The following LZTS1 variants were observed in gnomAD, a reference collection of about 807,000 sequenced individuals.
The protein encoded by LZTS1 is leucine zipper tumor suppressor 1.
In LZTS1, 31 loss-of-function variants were observed where a neutral mutation model predicts 45.8. That is an observed-to-expected ratio of 0.68 (90% CI 0.51 to 0.91). The LOEUF (loss-of-function observed/expected upper bound fraction) is 0.91. Among genes scored for constraint, LZTS1 ranks in the 40% least tolerant of loss-of-function variants. The pLI, the probability that LZTS1 is intolerant of heterozygous loss-of-function variation, is 0.00. For synonymous variants in LZTS1, 359 were observed against 357.3 expected (o/e 1.00, Z -0.05); for missense variants, 821 against 788.9 (o/e 1.04, Z -0.49).
At chr8:20,271,431 C>A (rs1240743125) in intron 1 of LZTS1, among the ~76,000 whole-genome samples, 1 of 152,188 alleles carries the variant, frequency 6.6e-6, no homozygotes, top group Non-Finnish European at 1.5e-5. Flanking sequence ...CCACCTAAGT[C>A]CCTCAGCTGT....
At chr8:20,260,474 G>A (rs1180208131) in intron 1 of LZTS1, among the ~76,000 whole-genome samples, 1 of 152,136 alleles carries the variant, frequency 6.6e-6, no homozygotes, top group African/African-American at 2.4e-5. Flanking sequence ...TTCGAACCCA[G>A]GCCCAAATGC....
At chr8:20,290,738 T>C (rs992418976) in intron 1 of LZTS1, among the ~76,000 whole-genome samples, 30 of 152,258 alleles carry the variant, frequency 2.0e-4, no homozygotes, top group Admixed American at 1.7e-3. Context: ...TATTTGTTTT[T>C]CTTTCTCTCC....
At chr8:20,271,549 A>T (rs564964616) in intron 1 of LZTS1, among the ~76,000 whole-genome samples, 1 of 152,170 alleles carries the variant, frequency 6.6e-6, no homozygotes, top group South Asian at 2.1e-4. Context: ...GGTCACTCCC[A>T]CTTTGCTTCT....
intron 1 of LZTS1, among the ~76,000 whole-genome samples, chr8:20,282,204 C>T (rs1800706448): frequency 6.6e-6 from 1 of 152,180 alleles, no homozygotes; most frequent in African/African-American, 2.4e-5. Flanking sequence ...CTTTCATGTG[C>T]ACACACCATA....
intron 1 of LZTS1, among the ~76,000 whole-genome samples, chr8:20,268,758 G>A (rs1426044602): frequency 6.6e-6 from 1 of 152,004 alleles, no homozygotes; most frequent in African/African-American, 2.4e-5. Context: ...CTGAGGTGCT[G>A]GGGGGAGAGG....
At chr8:20,302,807 G>C (rs1379782861) in intron 1 of LZTS1, among the ~76,000 whole-genome samples, 4 of 152,234 alleles carry the variant, frequency 2.6e-5, no homozygotes, top group African/African-American at 9.6e-5. Flanking sequence ...ATTGAAGACT[G>C]CGAAGCTAAC....
intron 1 of LZTS1, among the ~76,000 whole-genome samples, chr8:20,271,028 G>A (rs968372215): frequency 6.6e-6 from 1 of 152,046 alleles, no homozygotes; most frequent in Admixed American, 6.5e-5. Flanking sequence ...GGGCAGCTTT[G>A]GGTACCTGGC....
rs1373799719 is a variant in LZTS1, at chr8:20,253,088, C to T, written c.843G>A (p.Gln281=). Residue 281 remains glutamine (Q), a synonymous_variant, in exon 3 of 4, where the codon CAG becomes CAA. Transcript: ENST00000381569. ...CAAGCTCCTTCTCCTCAAAGCTGCG[C>T]TGCAGCTTCTGGAGGGCGCCCTCCC... The part of the protein sequence containing the change: ...LEREGALQKL[Q]RSFEEKELAS... The T allele has an allele frequency of 1.2e-6, 2 of 1,610,174 alleles. No individual in the cohort carries two copies. Among genetic ancestry groups the T allele is most frequent in the South Asian group, 1.1e-5 (1 of 91,044 alleles).
intron 1 of LZTS1, among the ~76,000 whole-genome samples, chr8:20,302,082 T>G (rs1403833147): frequency 6.6e-6 from 1 of 152,128 alleles, no homozygotes; most frequent in East Asian, 1.9e-4. Context: ...TGCTCCATCC[T>G]ATTAGCTGTG....
At chr8:20,288,406 G>T (rs1156588131) in intron 1 of LZTS1, among the ~76,000 whole-genome samples, 2 of 152,156 alleles carry the variant, frequency 1.3e-5, no homozygotes, top group Non-Finnish European at 2.9e-5. Flanking sequence ...AAACAGCAGT[G>T]CCCAGTCCAG....
In LZTS1 at chr8:20,249,959, A is replaced by G; in HGVS notation, c.1554T>C (p.His518=). 1 of 1,614,070 alleles carries G rather than the reference A, an allele frequency of 6.2e-7. No individual in the cohort carries two copies. The highest frequency in any genetic ancestry group is 8.5e-7 in the Non-Finnish European group (1 of 1,179,988). Residue 518 remains histidine, a synonymous_variant, in exon 4 of 4, where the codon CAT becomes CAC. Transcript: ENST00000381569. ...RAELREERQG[H]DQMSSGFQHE... is the part of the protein sequence containing the mutation. ...GCTGGAAGCCCGAGGACATCTGGTC[A>G]TGGCCTTGCCGCTCCTCCCGCAGCT...
intron 1 of LZTS1, among the ~76,000 whole-genome samples, chr8:20,258,254 C>G (rs987816499): frequency 6.6e-6 from 1 of 152,182 alleles, no homozygotes; most frequent in African/African-American, 2.4e-5. Context: ...CTCTGTTCTT[C>G]GCTGAGCTCT....
chr8:20,297,490 C>T (rs975571568), intron 1 of LZTS1, among the ~76,000 whole-genome samples: 1 of 152,220 alleles, frequency 6.6e-6, no homozygotes, highest in African/African-American at 2.4e-5. Context: ...TCTCAGCTCA[C>T]TATAACCTCC....
intron 1 of LZTS1, among the ~76,000 whole-genome samples, chr8:20,283,947 G>T (rs573923886): frequency 6.6e-6 from 1 of 152,178 alleles, no homozygotes; most frequent in Non-Finnish European, 1.5e-5. Flanking sequence ...TCCACCAGAG[G>T]CAAAACCAAC....
At chr8:20,270,031 G>A (rs1284872600) in intron 1 of LZTS1, among the ~76,000 whole-genome samples, 1 of 152,240 alleles carries the variant, frequency 6.6e-6, no homozygotes, top group Non-Finnish European at 1.5e-5. Flanking sequence ...CTCCATCTAT[G>A]CCTGAGGCCC....
intron 1 of LZTS1, among the ~76,000 whole-genome samples, chr8:20,291,337 C>T (rs993264512): frequency 6.6e-6 from 1 of 152,198 alleles, no homozygotes; most frequent in Non-Finnish European, 1.5e-5. Context: ...ACACCTGCCT[C>T]TACCAAGCAC....
At chr8:20,300,607 C>G (rs2128900216) in intron 1 of LZTS1, among the ~76,000 whole-genome samples, 1 of 152,194 alleles carries the variant, frequency 6.6e-6, no homozygotes, top group East Asian at 1.9e-4. Flanking sequence ...GCTGAGATTA[C>G]AAGCGTGAGC....
intron 1 of LZTS1, among the ~76,000 whole-genome samples, chr8:20,262,760 G>C (rs907522244): frequency 6.6e-6 from 1 of 152,138 alleles, no homozygotes; most frequent in Non-Finnish European, 1.5e-5. Context: ...GAGCAATGCT[G>C]TTAAACATCC....
intron 1 of LZTS1, among the ~76,000 whole-genome samples, chr8:20,293,962 G>T (rs2128899274): frequency 6.6e-6 from 1 of 152,076 alleles, no homozygotes; most frequent in Non-Finnish European, 1.5e-5. Flanking sequence ...AAAATAAAAA[G>T]AAAAAAGAAA....
Sources: gnomAD v4.1 joint callset for allele counts (sites outside exome capture counted in the v4.1 genomes callset) on GRCh38, gnomAD v4.1.1 for gene constraint, MANE v1.5 for transcripts, NCBI Gene and HGNC (gene_info 2026-07-23, HGNC 2026-07-21) for gene names.